Variants in PCLO observed in about 807,000 individuals in gnomAD.
The protein encoded by PCLO is piccolo presynaptic cytomatrix protein.
In PCLO, 82 loss-of-function variants were observed where a neutral mutation model predicts 427.5. That is an observed-to-expected ratio of 0.19 (90% CI 0.16 to 0.23). The LOEUF (loss-of-function observed/expected upper bound fraction) is 0.23. Ranked by LOEUF, PCLO falls within the 10% of genes least tolerant of loss-of-function variation. The pLI is 1.00. For synonymous variants in PCLO, 2,357 were observed against 2,155.4 expected (o/e 1.09, Z -2.59); for missense variants, 6,239 against 6,115.9 (o/e 1.02, Z -0.67).
chr7:83,030,119 GAA>G (rs199609017), intron 3 of PCLO, among the ~76,000 whole-genome samples: 13,276 of 104,596 alleles, frequency 0.13, 792 homozygotes, highest in East Asian at 0.25. Context: ...AATAATAAAA[GAA>G]AAAAAAAAAA....
chr7:83,155,874 T>A lies in PCLO; in HGVS notation c.767A>T (p.Lys256Met). 1 of 1,613,964 alleles carries A rather than the reference T, an allele frequency of 6.2e-7. No homozygotes were observed. Among genetic ancestry groups the A allele is most frequent in the Middle Eastern group, 1.6e-4 (1 of 6,062 alleles). Residue 256 changes from lysine (K) to methionine (M), a missense_variant, in exon 2 of 25, where the codon AAG (lysine) becomes ATG (methionine). Physicochemically the swap from Lys to Met is moderately conservative, Grantham distance 95. Coordinates refer to ENST00000333891, the MANE Select transcript of PCLO (RefSeq NM_033026.6). ...AGTCTGGGTAGGACCCTGAATTGGC[T>A]TTCCTGTACCTGGAGGTTGTGATTT... is the stretch of plus-strand genomic sequence containing the variant. ...KIKSQPPGTG[K>M]PIQGPTQTPQ...
At chr7:83,154,601 C>A in intron 2 of PCLO, 147 bp downstream of exon 2, 1 of 646,748 alleles carries the variant, frequency 1.5e-6, no homozygotes, top group South Asian at 2.2e-5. Flanking sequence ...AAAAAAATTA[C>A]AACTGGCAGA....
chr7:82,776,790 A>ATCTCTCTCTTTC (rs1305540194), intron 22 of PCLO, among the ~76,000 whole-genome samples: 2 of 149,796 alleles, frequency 1.3e-5, no homozygotes, highest in African/African-American at 4.9e-5. Context: ...GCGAGACTCC[A>ATCTCTCTCTTTC]TCTCTCTCTT....
chr7:83,040,472 G>T (rs2116208381), intron 3 of PCLO, among the ~76,000 whole-genome samples: 1 of 152,198 alleles, frequency 6.6e-6, no homozygotes, highest in South Asian at 2.1e-4. Flanking sequence ...GGCATAAATT[G>T]TTTCGCAGGC....
chr7:83,132,272 C>T (rs1351752792), intron 3 of PCLO, among the ~76,000 whole-genome samples: 1 of 152,030 alleles, frequency 6.6e-6, no homozygotes, highest in Non-Finnish European at 1.5e-5. Flanking sequence ...CTTCCAAATT[C>T]AAAGAAACTG....
intron 3 of PCLO, among the ~76,000 whole-genome samples, chr7:83,038,093 A>T (rs1444830978): frequency 1.7e-5 from 2 of 114,564 alleles, no homozygotes; most frequent in African/African-American, 3.2e-5. Context: ...ATCTTTATAT[A>T]TATATATTTA....
intron 3 of PCLO, among the ~76,000 whole-genome samples, chr7:83,115,999 T>C (rs1468206527): frequency 6.6e-6 from 1 of 151,748 alleles, no homozygotes; most frequent in African/African-American, 2.4e-5. Flanking sequence ...CACATATACA[T>C]ATATGTATAT....
intron 6 of PCLO, among the ~76,000 whole-genome samples, chr7:82,934,188 G>A (rs1584177368): frequency 6.6e-6 from 1 of 151,920 alleles, no homozygotes; most frequent in East Asian, 1.9e-4. Flanking sequence ...AAGCCATCGA[G>A]ATGTTCTCTG....
At chr7:82,981,932 A>C (rs1015134105) in intron 3 of PCLO, among the ~76,000 whole-genome samples, 8 of 152,104 alleles carry the variant, frequency 5.3e-5, no homozygotes, top group African/African-American at 1.9e-4. Flanking sequence ...TTATTGTAGA[A>C]TGTGGCTTAA....
chr7:82,810,393 G>A (rs2115564882), intron 20 of PCLO, among the ~76,000 whole-genome samples: 1 of 151,590 alleles, frequency 6.6e-6, no homozygotes. Context: ...CATCTTTGGG[G>A]CCATTTTTTA....
At chr7:82,974,173 G>GGTC (rs1365711110) in intron 3 of PCLO, among the ~76,000 whole-genome samples, 4 of 152,162 alleles carry the variant, frequency 2.6e-5, no homozygotes, top group Admixed American at 2.6e-4. Flanking sequence ...GATCTCTTGA[G>GGTC]GTCAGGAGTT....
chr7:83,105,837 ATACAGTATCTTCT>A (rs1359711555), intron 3 of PCLO, among the ~76,000 whole-genome samples: 1 of 152,220 alleles, frequency 6.6e-6, no homozygotes, highest in Non-Finnish European at 1.5e-5. Flanking sequence ...GCTGCCCTAT[ATACAGTATCTTCT>A]TATTTGTCTT....
chr7:83,150,777 G>A (rs564515303), intron 2 of PCLO, among the ~76,000 whole-genome samples: 4 of 151,938 alleles, frequency 2.6e-5, no homozygotes, highest in African/African-American at 7.3e-5. Flanking sequence ...CATACATTAC[G>A]CAAGCAAAGA....
chr7:82,797,899 T>C (rs1791261719), intron 22 of PCLO, among the ~76,000 whole-genome samples: 1 of 152,126 alleles, frequency 6.6e-6, no homozygotes, highest in Admixed American at 6.5e-5. Context: ...AAAATTATTG[T>C]TTTTAAATTA....
chr7:82,981,323 A>T (rs150108553), intron 3 of PCLO, among the ~76,000 whole-genome samples: 3 of 152,230 alleles, frequency 2.0e-5, no homozygotes, highest in African/African-American at 7.2e-5. Context: ...CAGAGATTAT[A>T]TGCAAAAGAA....
At position 82,879,473 on chromosome 7, in the gene PCLO, C is replaced by CA; in HGVS notation, c.13529-12dup. 6.4e-7 allele frequency: 1 copy of CA among 1,569,816 alleles called. No homozygotes were observed. The highest frequency in any genetic ancestry group is 8.7e-7 in the Non-Finnish European group (1 of 1,149,578). On this transcript the variant is annotated splice_polypyrimidine_tract_variant and intron_variant, in intron 9 of 24. Coordinates refer to ENST00000333891, the MANE Select transcript of PCLO (RefSeq NM_033026.6). ...TTCCTAATCCATTACCTGTATTAAA[C>CA]AATTAGCAAATTATTAGTACTAATT...
At chr7:82,910,561 T>C (rs1022488765) in intron 7 of PCLO, among the ~76,000 whole-genome samples, 6 of 152,202 alleles carry the variant, frequency 3.9e-5, no homozygotes, top group Admixed American at 2.0e-4. Context: ...GTCTTTTTTT[T>C]CCCCTTCCCT....
chr7:83,069,239 G>A (rs1789745008), intron 3 of PCLO, among the ~76,000 whole-genome samples: 2 of 151,992 alleles, frequency 1.3e-5, no homozygotes, highest in South Asian at 2.1e-4. Context: ...AATCCACTTT[G>A]ACTCAAGTCC....
chr7:82,777,488 C>T (rs1312086908), intron 22 of PCLO, among the ~76,000 whole-genome samples: 2 of 152,052 alleles, frequency 1.3e-5, no homozygotes, highest in Non-Finnish European at 2.9e-5. Flanking sequence ...GCATTATGCT[C>T]CCCTACTTCA....
Sources: gnomAD v4.1 joint callset for allele counts (sites outside exome capture counted in the v4.1 genomes callset) on GRCh38, gnomAD v4.1.1 for gene constraint, MANE v1.5 for transcripts, NCBI Gene and HGNC (gene_info 2026-07-23, HGNC 2026-07-21) for gene names.